The following PLCE1 variants were observed in gnomAD, a reference collection of about 807,000 sequenced individuals.
PLCE1 encodes the protein 1-phosphatidylinositol 4,5-bisphosphate phosphodiesterase epsilon-1.
In PLCE1, 119 loss-of-function variants were observed where a neutral mutation model predicts 242.8. The observed-to-expected ratio is 0.49, with a 90% CI of 0.42 to 0.57. The LOEUF is 0.57. Ranked by LOEUF, PLCE1 falls within the 20% of genes least tolerant of loss-of-function variation. The pLI is 0.00. For missense variants in PLCE1, 2,441 were observed against 2,788.8 expected (o/e 0.88, Z 2.81); for synonymous variants, 945 against 1,017.4 (o/e 0.93, Z 1.35).
intron 2 of PLCE1, among the ~76,000 whole-genome samples, chr10:94,131,907 A>C (rs941265845): frequency 3.3e-5 from 5 of 152,196 alleles, no homozygotes; most frequent in African/African-American, 9.6e-5. Context: ...TTTGAGCTGA[A>C]TGTATTTCTG....
chr10:94,062,030 A>T (rs2044068198), intron 2 of PLCE1, among the ~76,000 whole-genome samples: 1 of 152,258 alleles, frequency 6.6e-6, no homozygotes, highest in Non-Finnish European at 1.5e-5. Context: ...GAATAGCAGT[A>T]TCTATCTCAG....
At chr10:94,012,161 A>C (rs896212037) in intron 1 of PLCE1, among the ~76,000 whole-genome samples, 2 of 152,008 alleles carry the variant, frequency 1.3e-5, no homozygotes, top group African/African-American at 4.8e-5. Context: ...ATTTTCCAGC[A>C]TGTGAACCTG....
chr10:94,148,674 A>G (rs1009153941), intron 3 of PLCE1, among the ~76,000 whole-genome samples: 1 of 152,214 alleles, frequency 6.6e-6, no homozygotes, highest in African/African-American at 2.4e-5. Flanking sequence ...GAGAGAAAGG[A>G]TGGAAGAAAG....
At chr10:94,138,471 A>C (rs1199152721) in intron 3 of PLCE1, 1 of 443,478 alleles carries the variant, frequency 2.3e-6, no homozygotes, top group Non-Finnish European at 4.4e-6. Flanking sequence ...GAATCCTGTG[A>C]GGCCATTTTC....
Position 94,322,021 on chromosome 10 carries a change from G to C in PLCE1, c.6463G>C (p.Ala2155Pro), listed in dbSNP as rs568921619. The change falls in exon 30 of 33, where the codon GCA becomes CCA. Residue 2155 changes from alanine to proline, a missense_variant. By Grantham distance (27) the Ala-to-Pro change is conservative. Transcript: ENST00000371380. ...SPEQPRTVIK[A>P]PRVSTAQDVI... ...AGAGCAACCTCGAACAGTCATCAAAGCACCCCGCGTCAGCACTGCACAGGA... is the reference window on the plus strand; with the variant it reads ...AGAGCAACCTCGAACAGTCATCAAACCACCCCGCGTCAGCACTGCACAGGA... 6.2e-7 allele frequency: 1 copy of C among 1,614,152 alleles called. No homozygotes were observed. The highest frequency in any genetic ancestry group is 8.5e-7 in the Non-Finnish European group (1 of 1,180,016).
At chr10:94,000,689 C>T (rs1446084924) in intron 1 of PLCE1, among the ~76,000 whole-genome samples, 1 of 152,162 alleles carries the variant, frequency 6.6e-6, no homozygotes, top group Non-Finnish European at 1.5e-5. Context: ...AATGGTGTTG[C>T]AGCTGCAGGT....
At chr10:94,320,572 T>A (rs1466252904) in intron 29 of PLCE1, among the ~76,000 whole-genome samples, 1 of 152,188 alleles carries the variant, frequency 6.6e-6, no homozygotes, top group Non-Finnish European at 1.5e-5. Flanking sequence ...GTTAGTTAGT[T>A]AGCACCCATT....
intron 27 of PLCE1, among the ~76,000 whole-genome samples, chr10:94,309,681 C>T (rs1278751951): frequency 6.6e-6 from 1 of 152,138 alleles, no homozygotes; most frequent in Non-Finnish European, 1.5e-5. Flanking sequence ...ACTCAGTGCC[C>T]ACTAAAGTTT....
intron 2 of PLCE1, among the ~76,000 whole-genome samples, chr10:94,102,047 A>C (rs2045558390): frequency 6.6e-6 from 1 of 152,192 alleles, no homozygotes; most frequent in Non-Finnish European, 1.5e-5. Flanking sequence ...AAAGGGGGGC[A>C]AATGGGTTTT....
chr10:94,207,796 T>C (rs2049209012), intron 4 of PLCE1, among the ~76,000 whole-genome samples: 1 of 152,170 alleles, frequency 6.6e-6, no homozygotes, highest in South Asian at 2.1e-4. Flanking sequence ...GATGGAAACA[T>C]ATTAAAAGGA....
rs931723746 is a variant in PLCE1, at chr10:94,158,093, T to G, written c.1493-13087T>G. Among the ~76,000 whole-genome samples the G allele has an allele frequency of 1.6e-4, 24 of 152,178 alleles. 1 individual carries two copies. The highest frequency in any genetic ancestry group is 5.8e-4 in the African/African-American group (24 of 41,440). On this transcript the variant is annotated intron_variant, in intron 3 of 32. Coordinates refer to ENST00000371380, the MANE Select transcript of PLCE1 (RefSeq NM_016341.4). Reference sequence around the variant, plus strand: ...ATGTTAAATAATATTATAATTTATTTATGATGATGATTGTTGATTGTTATA... The same window carrying G: ...ATGTTAAATAATATTATAATTTATTGATGATGATGATTGTTGATTGTTATA...
intron 2 of PLCE1, among the ~76,000 whole-genome samples, chr10:94,076,132 C>CGT (rs747481933): frequency 0.044 from 6,444 of 147,022 alleles, 181 homozygotes; most frequent in Middle Eastern, 0.12. Flanking sequence ...TGTGTGCGTG[C>CGT]GTGTGTGTGT....
intron 1 of PLCE1, among the ~76,000 whole-genome samples, chr10:94,026,531 A>T (rs2061455614): frequency 1.3e-5 from 2 of 152,192 alleles, no homozygotes; most frequent in Middle Eastern, 3.2e-3. Flanking sequence ...TTTAGCCAAC[A>T]GTTGAATGCC....
chr10:94,248,266 A>G (rs1205432626), intron 8 of PLCE1, among the ~76,000 whole-genome samples: 1 of 152,232 alleles, frequency 6.6e-6, no homozygotes, highest in African/African-American at 2.4e-5. Context: ...TCCTAATGTT[A>G]CACAGAACAA....
chr10:94,246,262 A>G lies in PLCE1; in HGVS notation c.2737A>G (p.Asn913Asp), dbSNP rs2050675908. 6.2e-7 allele frequency: 1 copy of G among 1,614,202 alleles called. No homozygotes were observed. The highest frequency in any genetic ancestry group is 1.7e-5 in the Admixed American group (1 of 60,028). The change falls in exon 8 of 33, where the codon AAC (asparagine) becomes GAC (aspartate). Residue 913 changes from asparagine to aspartate, a missense_variant. Around this residue, in one of 5 missense-constraint regions of PLCE1, gnomAD observed 733 missense variants for 754.2 expected, o/e 0.97. Transcript: ENST00000371380. ...SSKAKLGVLN[N>D]TAEPGKFPLL... The stretch of plus-strand genomic sequence containing the variant: ...TAAAGCAAAACTTGGTGTACTTAAT[A>G]ACACAGCTGAGCCTGGAAAATTCCC...
intron 2 of PLCE1, chr10:94,107,230 A>G (rs924289271): frequency 3.3e-5 from 5 of 152,212 alleles, no homozygotes; most frequent in Non-Finnish European, 7.4e-5. Flanking sequence ...AGAAAGGAAC[A>G]AAGAGTTACA....
At chr10:94,099,781 G>C (rs1434964024) in intron 2 of PLCE1, 2 of 152,244 alleles carry the variant, frequency 1.3e-5, no homozygotes, top group Admixed American at 6.5e-5. Context: ...CTTATGGTGA[G>C]AGAGGGGGCA....
In PLCE1 at chr10:94,030,532, TA is replaced by T. The variant is rs59044005; in HGVS notation, c.-364-141del. Among the ~76,000 whole-genome samples, 3,163 of 147,502 alleles carry T rather than the reference TA, an allele frequency of 0.021. 126 individuals are homozygous for T. The highest frequency in any genetic ancestry group is 0.072 in the African/African-American group (2,896 of 40,386). On this transcript the variant is annotated intron_variant, in intron 1 of 32. Transcript: ENST00000371380. The stretch of plus-strand genomic sequence containing the variant: ...GAAGCAGAAGTTCTGAAACATTAAA[TA>T]AAAAAAAAATACTAAAAACATAAAA...
intron 1 of PLCE1, among the ~76,000 whole-genome samples, chr10:94,021,828 C>T (rs969905822): frequency 6.6e-6 from 1 of 152,058 alleles, no homozygotes; most frequent in Admixed American, 6.6e-5. Context: ...TATTATCTCA[C>T]TAAATGCAGA....
Sources: gnomAD v4.1 joint callset for allele counts (sites outside exome capture counted in the v4.1 genomes callset) on GRCh38, gnomAD v4.1.1 for gene constraint, gnomAD v4.1.1 regional missense constraint, MANE v1.5 for transcripts, NCBI Gene and HGNC (gene_info 2026-07-23, HGNC 2026-07-21) for gene names.